Variants in SCAPER observed in about 807,000 individuals in gnomAD.
The protein encoded by SCAPER is S-phase cyclin A associated protein in the ER, also known as S phase cyclin A-associated protein in the endoplasmic reticulum.
Under a neutral mutation model 182.2 loss-of-function variants are expected in SCAPER, and 98 were observed. That is an observed-to-expected ratio of 0.54 (90% CI 0.46 to 0.64). The LOEUF (loss-of-function observed/expected upper bound fraction) is 0.64. SCAPER is among the 30% of genes least tolerant of loss of function. The pLI, the probability that SCAPER is intolerant of heterozygous loss-of-function variation, is 0.00. For synonymous variants in SCAPER, 605 were observed against 564.6 expected, an observed-to-expected ratio of 1.07 and a Z score of -1.01; for missense variants, 1,432 against 1,690.0, an observed-to-expected ratio of 0.85 and a Z score of 2.68.
At chr15:76,688,483 T>C (rs2058158456) in intron 20 of SCAPER, among the ~76,000 whole-genome samples, 1 of 152,250 alleles carries the variant, frequency 6.6e-6, no homozygotes, top group Non-Finnish European at 1.5e-5. Context: ...CCATTGCTTT[T>C]GGTGTTTTAG....
intron 1 of SCAPER, among the ~76,000 whole-genome samples, chr15:76,884,313 A>AC (rs1431980882): frequency 2.0e-5 from 3 of 152,220 alleles, no homozygotes; most frequent in Non-Finnish European, 4.4e-5. Flanking sequence ...AATGAGTCTG[A>AC]ACTCAGTATA....
chr15:76,512,741 T>G (rs1481030156), intron 23 of SCAPER, among the ~76,000 whole-genome samples: 2 of 151,326 alleles, frequency 1.3e-5, no homozygotes, highest in African/African-American at 4.9e-5. Flanking sequence ...AGACACAAGC[T>G]CTAACAGATA....
At chr15:76,770,770 C>A (rs747996726) in intron 10 of SCAPER, among the ~76,000 whole-genome samples, 5 of 151,958 alleles carry the variant, frequency 3.3e-5, no homozygotes, top group African/African-American at 7.2e-5. Context: ...TGACCAAATT[C>A]CACCCCATAC....
chr15:76,648,359 T>G (rs956031157), intron 21 of SCAPER, among the ~76,000 whole-genome samples: 2 of 151,696 alleles, frequency 1.3e-5, no homozygotes, highest in African/African-American at 4.8e-5. Flanking sequence ...CTATCTAAAC[T>G]AGAGAGAAAA....
intron 27 of SCAPER, among the ~76,000 whole-genome samples, chr15:76,398,745 T>C (rs968861522): frequency 6.6e-6 from 1 of 152,242 alleles, no homozygotes; most frequent in Non-Finnish European, 1.5e-5. Flanking sequence ...TGTTTTTGTA[T>C]ACAAATATTC....
intron 25 of SCAPER, among the ~76,000 whole-genome samples, chr15:76,468,782 T>C (rs1445255961): frequency 6.6e-6 from 1 of 152,130 alleles, no homozygotes; most frequent in Non-Finnish European, 1.5e-5. Context: ...ATGTTTAATG[T>C]GGTGATATCT....
chr15:76,651,448 G>A (rs930926947), intron 21 of SCAPER, among the ~76,000 whole-genome samples: 1 of 151,670 alleles, frequency 6.6e-6, no homozygotes, highest in Non-Finnish European at 1.5e-5. Context: ...TTCTAGTACT[G>A]CGTGGAATAG....
At chr15:76,423,399 A>G (rs375009322) in intron 26 of SCAPER, among the ~76,000 whole-genome samples, 2 of 152,064 alleles carry the variant, frequency 1.3e-5, no homozygotes, top group Non-Finnish European at 2.9e-5. Flanking sequence ...TTTCTAGTTT[A>G]TTTGCATAGA....
chr15:76,679,242 A>T (rs955746465), intron 20 of SCAPER, among the ~76,000 whole-genome samples: 2 of 152,194 alleles, frequency 1.3e-5, no homozygotes, highest in African/African-American at 4.8e-5. Context: ...CTCACATGAC[A>T]TCTTTTACCT....
At position 76,559,705 on chromosome 15, in the gene SCAPER, AAAG is replaced by A. The variant is rs1180734125; in HGVS notation, c.2838+14450_2838+14452del. On this transcript the variant is annotated intron_variant, in intron 23 of 31. Coordinates refer to ENST00000563290, the MANE Select transcript of SCAPER (RefSeq NM_020843.4). ...GCTAAATATGAGTACACATGAACAC[AAAG>A]AAGAGAGCAATGGATACCAAGGCCT... Among the ~76,000 whole-genome samples the A allele has an allele frequency of 8.5e-5, 13 of 152,180 alleles. No homozygotes were observed. The South Asian group carries it at 2.3e-3, about 27-fold the overall frequency.
chr15:76,760,231 C>A lies in SCAPER; in HGVS notation c.1725+4730G>T, dbSNP rs187188884. ...CTAATCACAAGTCCCAAGTTCTGAC[C>A]CATACTTCTGACAAACCAGCTATAA... is the stretch of plus-strand genomic sequence containing the variant. On this transcript the variant is annotated intron_variant, in intron 14 of 31. Transcript: ENST00000563290. 2.0e-5 allele frequency among the ~76,000 whole-genome samples: 3 copies of A among 152,272 alleles called. No homozygotes were observed. In the East Asian group the frequency reaches 5.8e-4, roughly 29 times the overall value.
intron 22 of SCAPER, among the ~76,000 whole-genome samples, chr15:76,610,040 C>G (rs1395922347): frequency 6.6e-6 from 1 of 152,118 alleles, no homozygotes; most frequent in Non-Finnish European, 1.5e-5. Context: ...ACGGAATGCT[C>G]TGACATATTA....
intron 29 of SCAPER, among the ~76,000 whole-genome samples, chr15:76,357,434 CTAT>C (rs1247438231): frequency 6.6e-6 from 1 of 152,090 alleles, no homozygotes; most frequent in African/African-American, 2.4e-5. Flanking sequence ...ATCAGAATGG[CTAT>C]TATTAAAAAG....
intron 20 of SCAPER, among the ~76,000 whole-genome samples, chr15:76,689,707 G>C (rs1188801089): frequency 6.6e-6 from 1 of 151,138 alleles, no homozygotes; most frequent in Non-Finnish European, 1.5e-5. Context: ...AAAAAACAGA[G>C]CTCCTTGGAG....
intron 26 of SCAPER, among the ~76,000 whole-genome samples, chr15:76,418,893 T>C (rs1038166872): frequency 2.6e-5 from 4 of 152,228 alleles, no homozygotes; most frequent in African/African-American, 9.6e-5. Flanking sequence ...GAACCCAGTC[T>C]TGAAGCCAGC....
rs115477042 is a variant in SCAPER at position 76,527,918 on chromosome 15, A to G, written c.2839-22944T>C. Among the ~76,000 whole-genome samples, 392 of 152,180 alleles carry G rather than the reference A, an allele frequency of 2.6e-3. 2 individuals carry two copies. Among genetic ancestry groups the G allele is most frequent in the African/African-American group, 9.0e-3 (375 of 41,514 alleles). ...TCAAGACAACCCAAAACTTTCCCCA[A>G]CTATCTGGAAACCTTGTCTTTCCCA... is the stretch of plus-strand genomic sequence containing the variant. On this transcript the variant is annotated intron_variant, in intron 23 of 31. Coordinates refer to ENST00000563290, the MANE Select transcript of SCAPER (RefSeq NM_020843.4).
intron 17 of SCAPER, among the ~76,000 whole-genome samples, chr15:76,720,574 A>T (rs1490754673): frequency 6.6e-6 from 1 of 152,076 alleles, no homozygotes; most frequent in Admixed American, 6.5e-5. Context: ...ATTTCTCCAC[A>T]TCCTCTCCAG....
Position 76,348,643 on chromosome 15 carries a change from T to C in SCAPER, c.4193A>G (p.Glu1398Gly), listed in dbSNP as rs1267697098. 1.9e-6 allele frequency: 3 copies of C among 1,542,882 alleles called. No homozygotes were observed. The highest frequency in any genetic ancestry group is 2.6e-6 in the Non-Finnish European group (3 of 1,143,020). ...EEARQFFLKK[E>G]KK is the part of the protein sequence containing the mutation. ...AATCAACCAAAACATTTATTTTTTC[T>C]CTTTTTTCAAGAAAAACTGTCGAGC... is the stretch of plus-strand genomic sequence containing the variant. Residue 1398 changes from glutamate to glycine, a missense_variant, in exon 32 of 32, where the codon GAG (glutamate) becomes GGG (glycine). Coordinates refer to ENST00000563290, the MANE Select transcript of SCAPER (RefSeq NM_020843.4).
intron 23 of SCAPER, 39 bp downstream of exon 23, chr15:76,574,119 C>G (rs1246628835): frequency 1.9e-6 from 3 of 1,566,876 alleles, no homozygotes; most frequent in Non-Finnish European, 2.6e-6. Flanking sequence ...GAAAGGATCA[C>G]AAAGATTAAG....
Sources: allele counts gnomAD v4.1 joint callset (sites outside exome capture counted in the v4.1 genomes callset), GRCh38; gene constraint gnomAD v4.1.1; transcripts MANE v1.5; gene names NCBI Gene and HGNC (gene_info 2026-07-23, HGNC 2026-07-21).